The following ABI3BP variants were observed in gnomAD, a reference collection of about 807,000 sequenced individuals.
The protein encoded by ABI3BP is target of Nesh-SH3.
In ABI3BP, 216 loss-of-function variants were observed where a neutral mutation model predicts 268.6. That is an observed-to-expected ratio of 0.80 (90% CI 0.72 to 0.90). The LOEUF is 0.90. ABI3BP is among the 40% of genes least tolerant of loss of function. The probability of loss-of-function intolerance (pLI) is 0.00; values close to 1 mark genes in which losing one functional copy is unlikely to be tolerated. For synonymous variants in ABI3BP, 730 were observed against 730.0 expected, an observed-to-expected ratio of 1.00 and a Z score of 0.00; for missense variants, 2,090 against 2,182.4, an observed-to-expected ratio of 0.96 and a Z score of 0.84.
At chr3:100,955,085 T>C (rs2076374619) in intron 1 of ABI3BP, among the ~76,000 whole-genome samples, 1 of 138,260 alleles carries the variant, frequency 7.2e-6, no homozygotes. Context: ...AGGCATTCCA[T>C]AACCACACGG....
chr3:100,912,047 C>T, intron 2 of ABI3BP: 1 of 745,744 alleles, frequency 1.3e-6, no homozygotes, highest in Non-Finnish European at 2.5e-6. Flanking sequence ...ATTTGGGAAT[C>T]AGTAATGCTA....
chr3:100,838,766 T>C (rs1439243260), intron 24 of ABI3BP, among the ~76,000 whole-genome samples: 1 of 152,182 alleles, frequency 6.6e-6, no homozygotes, highest in Non-Finnish European at 1.5e-5. Context: ...TAGTTCTATG[T>C]CTTTGATCAA....
At chr3:100,834,468 A>C (rs2098544672) in intron 29 of ABI3BP, among the ~76,000 whole-genome samples, 1 of 152,110 alleles carries the variant, frequency 6.6e-6, no homozygotes, top group Non-Finnish European at 1.5e-5. Flanking sequence ...AATGTCAGAG[A>C]AGCAAGTAAA....
At chr3:100,826,804 A>C (rs1220986888) in intron 34 of ABI3BP, among the ~76,000 whole-genome samples, 2 of 152,162 alleles carry the variant, frequency 1.3e-5, no homozygotes, top group Non-Finnish European at 1.5e-5. Flanking sequence ...TACACTTAGC[A>C]GAGGGAAAAC....
intron 58 of ABI3BP, 141 bp from the exon 59 acceptor site, chr3:100,778,517 T>G (rs2096774688): frequency 2.8e-6 from 2 of 702,794 alleles, no homozygotes; most frequent in East Asian, 2.7e-5. Context: ...TACAGAAAAG[T>G]GCACACAAAT....
intron 4 of ABI3BP, among the ~76,000 whole-genome samples, chr3:100,888,765 C>G (rs2153423156): frequency 6.6e-6 from 1 of 151,890 alleles, no homozygotes; most frequent in Non-Finnish European, 1.5e-5. Flanking sequence ...TCAACACTGT[C>G]TCCGTTGATA....
At position 100,840,182 on chromosome 3, in the gene ABI3BP, G is replaced by A. The variant is rs1560664651; in HGVS notation, c.1805-18C>T. On this transcript the variant is annotated intron_variant, in intron 22 of 67. Coordinates refer to ENST00000471714, the MANE Select transcript of ABI3BP (RefSeq NM_001375547.2). ...TCGTGGTGCTGAAGAAAGAAAATTA[G>A]CAAGTTAATACAAGAAGGGTGGATT... The A allele has an allele frequency of 5.9e-6, 9 of 1,514,440 alleles. No individual in the cohort carries two copies. Among genetic ancestry groups the A allele is most frequent in the Non-Finnish European group, 5.3e-6 (6 of 1,134,576 alleles). 93.8% of individuals were successfully genotyped at this position (1,514,440 alleles called of 1,614,324 possible).
intron 3 of ABI3BP, among the ~76,000 whole-genome samples, chr3:100,900,315 G>T (rs1319012703): frequency 6.6e-6 from 1 of 152,216 alleles, no homozygotes; most frequent in East Asian, 1.9e-4. Flanking sequence ...GGATGATTGT[G>T]ATCTTCCCTT....
rs1487544549 is a variant in ABI3BP, at chr3:100,751,631, ATCT to A, written c.5163_5165del (p.Glu1721del). 2.5e-6 allele frequency: 4 copies of A among 1,604,206 alleles called. No individual in the cohort carries two copies. Among genetic ancestry groups the A allele is most frequent in the South Asian group, 2.2e-5 (2 of 88,948 alleles). Reference sequence around the variant, plus strand: ...AAAATGAATCCACAAACTGGCAGTGATCTTCTCCATGGCCCCTCTGATCACCTA... The same window carrying A: ...AAAATGAATCCACAAACTGGCAGTGATCTCCATGGCCCCTCTGATCACCTA... On this transcript the variant is annotated inframe_deletion, in exon 67 of 68. Transcript: ENST00000471714.
intron 4 of ABI3BP, among the ~76,000 whole-genome samples, chr3:100,889,584 G>A (rs977413089): frequency 1.3e-5 from 2 of 152,078 alleles, no homozygotes; most frequent in African/African-American, 2.4e-5. Context: ...GAGGCAACAA[G>A]TCTATTAAAA....
At chr3:100,882,320 A>C (rs1363441312) in intron 6 of ABI3BP, among the ~76,000 whole-genome samples, 1 of 151,998 alleles carries the variant, frequency 6.6e-6, no homozygotes, top group African/African-American at 2.4e-5. Context: ...AAAGTATCAA[A>C]CCACTTCTCA....
At chr3:100,815,803 T>C in intron 44 of ABI3BP, 109 bp downstream of exon 44, 1 of 696,312 alleles carries the variant, frequency 1.4e-6, no homozygotes, top group Non-Finnish European at 2.3e-6. Flanking sequence ...AAGTGTAGAA[T>C]GGAATAACAG....
chr3:100,959,020 A>G (rs969854062), intron 1 of ABI3BP, among the ~76,000 whole-genome samples: 2 of 152,154 alleles, frequency 1.3e-5, no homozygotes, highest in African/African-American at 4.8e-5. Flanking sequence ...GGGAAGAACA[A>G]CCATCTTGTT....
intron 51 of ABI3BP, 34 bp from the exon 52 acceptor site, chr3:100,796,502 C>T: frequency 6.6e-7 from 1 of 1,517,744 alleles, no homozygotes; most frequent in Non-Finnish European, 9.0e-7. Context: ...ACTGCATACT[C>T]TAAATAACCC....
At chr3:100,959,856 C>T (rs1458021168) in intron 1 of ABI3BP, among the ~76,000 whole-genome samples, 3 of 152,148 alleles carry the variant, frequency 2.0e-5, no homozygotes, top group Non-Finnish European at 4.4e-5. Context: ...CACTAAAGGC[C>T]TAACAAAAGA....
chr3:100,844,888 G>A (rs1308370328), intron 20 of ABI3BP, among the ~76,000 whole-genome samples: 1 of 152,166 alleles, frequency 6.6e-6, no homozygotes, highest in Non-Finnish European at 1.5e-5. Context: ...AAATTAAGAA[G>A]TCTTTTTGCT....
intron 57 of ABI3BP, among the ~76,000 whole-genome samples, chr3:100,782,437 T>TA (rs2096896815): frequency 6.6e-6 from 1 of 152,044 alleles, no homozygotes; most frequent in African/African-American, 2.4e-5. Flanking sequence ...TCCTTAGACA[T>TA]AAGTTCCCAA....
At chr3:100,779,442 G>A (rs2096803009) in intron 58 of ABI3BP, among the ~76,000 whole-genome samples, 2 of 152,236 alleles carry the variant, frequency 1.3e-5, no homozygotes, top group South Asian at 4.1e-4. Context: ...AAAGGTTGGT[G>A]AGGTCAAAGG....
intron 47 of ABI3BP, 92 bp from the exon 48 acceptor site, chr3:100,811,369 T>A: frequency 1.0e-6 from 1 of 1,000,206 alleles, no homozygotes; most frequent in Non-Finnish European, 1.5e-6. Flanking sequence ...ATAATTTGCA[T>A]CATAATTTTA....
Sources: allele counts gnomAD v4.1 joint callset (sites outside exome capture counted in the v4.1 genomes callset), GRCh38; gene constraint gnomAD v4.1.1; transcripts MANE v1.5; gene names NCBI Gene and HGNC (gene_info 2026-07-23, HGNC 2026-07-21).